FOXP2: variants seen among roughly 807,000 people sequenced by gnomAD.
The protein encoded by FOXP2 is forkhead box P2.
In FOXP2, 12 loss-of-function variants were observed where a neutral mutation model predicts 115.8. That is an observed-to-expected ratio of 0.10 (90% CI 0.07 to 0.17). FOXP2 has a LOEUF of 0.17. FOXP2 is among the 10% of genes least tolerant of loss of function. The pLI is 1.00. For missense variants in FOXP2, 629 were observed against 843.5 expected, an observed-to-expected ratio of 0.75 and a Z score of 3.15; for synonymous variants, 328 against 297.7, an observed-to-expected ratio of 1.10 and a Z score of -1.05.
intron 1 of FOXP2, among the ~76,000 whole-genome samples, chr7:114,140,003 C>G (rs1404143342): frequency 6.6e-6 from 1 of 152,038 alleles, no homozygotes; most frequent in Non-Finnish European, 1.5e-5. Flanking sequence ...ATCCCAGCTA[C>G]TCAGGAGGCT....
chr7:114,613,162 G>T (rs762439125), intron 3 of FOXP2, among the ~76,000 whole-genome samples: 2 of 151,998 alleles, frequency 1.3e-5, no homozygotes, highest in African/African-American at 2.4e-5. Flanking sequence ...CATCATAACT[G>T]CATTTAGAAT....
At chr7:114,288,714 C>G (rs1796522748) in intron 2 of FOXP2, among the ~76,000 whole-genome samples, 1 of 151,650 alleles carries the variant, frequency 6.6e-6, no homozygotes, top group South Asian at 2.1e-4. Flanking sequence ...TAAACTTTCT[C>G]AATATATAAT....
intron 1 of FOXP2, among the ~76,000 whole-genome samples, chr7:114,213,061 AT>A (rs1276988516): frequency 2.0e-5 from 3 of 152,182 alleles, no homozygotes; most frequent in Non-Finnish European, 4.4e-5. Context: ...ACTGGATAGA[AT>A]TTTTTTTAAA....
intron 10 of FOXP2, chr7:114,656,653 GT>G: frequency 4.5e-6 from 1 of 223,830 alleles, no homozygotes; most frequent in South Asian, 4.4e-5. Context: ...CAGAATAACA[GT>G]TTGTGGTTTA....
intron 1 of FOXP2, among the ~76,000 whole-genome samples, chr7:114,208,995 G>A (rs970770271): frequency 1.3e-5 from 2 of 152,156 alleles, no homozygotes; most frequent in Non-Finnish European, 2.9e-5. Flanking sequence ...AAATTTGGGA[G>A]GGGCTGAAGT....
chr7:114,408,094 T>C (rs1793077210), intron 2 of FOXP2, among the ~76,000 whole-genome samples: 1 of 152,188 alleles, frequency 6.6e-6, no homozygotes, highest in South Asian at 2.1e-4. Flanking sequence ...ATGATTTAAA[T>C]GCTTTATTTT....
chr7:114,322,462 C>T (rs1179882378), intron 2 of FOXP2, among the ~76,000 whole-genome samples: 3 of 152,074 alleles, frequency 2.0e-5, no homozygotes, highest in African/African-American at 4.8e-5. Flanking sequence ...CATAGTGAGA[C>T]TTTATCTCTA....
intron 1 of FOXP2, among the ~76,000 whole-genome samples, chr7:114,201,534 G>T (rs1287036825): frequency 6.6e-6 from 1 of 152,082 alleles, no homozygotes; most frequent in Non-Finnish European, 1.5e-5. Context: ...CAGAAACTTT[G>T]AATTGATCAT....
chr7:114,598,151 A>G (rs1802825072), intron 3 of FOXP2, among the ~76,000 whole-genome samples: 1 of 152,108 alleles, frequency 6.6e-6, no homozygotes, highest in Non-Finnish European at 1.5e-5. Flanking sequence ...ACTGTGGCCA[A>G]GATCCCTAAG....
At chr7:114,396,384 C>A (rs1366714496) in intron 2 of FOXP2, among the ~76,000 whole-genome samples, 1 of 152,038 alleles carries the variant, frequency 6.6e-6, no homozygotes, top group African/African-American at 2.4e-5. Context: ...CTACCTTTAT[C>A]CATTCATCCA....
chr7:114,566,062 G>A (rs1460213552), intron 3 of FOXP2, among the ~76,000 whole-genome samples: 3 of 152,086 alleles, frequency 2.0e-5, no homozygotes, highest in African/African-American at 7.2e-5. Flanking sequence ...CAACCCAATA[G>A]CTACATTGTC....
chr7:114,135,342 T>A (rs1233138012), intron 1 of FOXP2, among the ~76,000 whole-genome samples: 1 of 152,156 alleles, frequency 6.6e-6, no homozygotes, highest in Non-Finnish European at 1.5e-5. Context: ...AAGCAAAATT[T>A]ATTTTTTTAA....
intron 3 of FOXP2, among the ~76,000 whole-genome samples, chr7:114,572,961 C>T (rs1801393017): frequency 6.6e-6 from 1 of 151,812 alleles, no homozygotes; most frequent in African/African-American, 2.4e-5. Flanking sequence ...TTGTTCTTGG[C>T]TGCTTTGAAT....
intron 2 of FOXP2, among the ~76,000 whole-genome samples, chr7:114,489,460 C>T (rs1194049110): frequency 1.3e-5 from 2 of 151,954 alleles, no homozygotes; most frequent in Admixed American, 1.3e-4. Flanking sequence ...TATTATTTGA[C>T]CCTTTAATTA....
chr7:114,352,754 T>C (rs1454355625), intron 2 of FOXP2, among the ~76,000 whole-genome samples: 1 of 152,048 alleles, frequency 6.6e-6, no homozygotes, highest in Admixed American at 6.6e-5. Flanking sequence ...CTAAATACAG[T>C]CACATTCTGA....
chr7:114,410,517 A>C (rs1434383086), upstream of FOXP2, among the ~76,000 whole-genome samples: 1 of 152,150 alleles, frequency 6.6e-6, no homozygotes, highest in Non-Finnish European at 1.5e-5. Context: ...AGGATTAGAT[A>C]TGATGCATGT....
At chr7:114,430,211 G>A (rs887984365) in intron 2 of FOXP2, among the ~76,000 whole-genome samples, 2 of 151,548 alleles carry the variant, frequency 1.3e-5, no homozygotes, top group Non-Finnish European at 3.0e-5. Flanking sequence ...CTTCCTATTT[G>A]ATACGAAAAG....
chr7:114,359,107 C>T (rs1231243755), intron 2 of FOXP2, among the ~76,000 whole-genome samples: 4 of 152,108 alleles, frequency 2.6e-5, no homozygotes, highest in African/African-American at 9.7e-5. Context: ...CCAGGCCTTG[C>T]TGCTTTTTGG....
chr7:114,399,567 A>C (rs908881885), intron 2 of FOXP2, among the ~76,000 whole-genome samples: 2 of 152,218 alleles, frequency 1.3e-5, no homozygotes, highest in East Asian at 3.8e-4. Flanking sequence ...ACTTTTAAAA[A>C]TGATTATTGA....
Sources: gnomAD v4.1 joint callset for allele counts (sites outside exome capture counted in the v4.1 genomes callset) on GRCh38, gnomAD v4.1.1 for gene constraint, MANE v1.5 for transcripts, NCBI Gene and HGNC (gene_info 2026-07-23, HGNC 2026-07-21) for gene names.